NUGGC: variants seen among roughly 807,000 people sequenced by gnomAD.
NUGGC encodes nuclear GTPase, germinal center associated.
Under a neutral mutation model 92.6 loss-of-function variants are expected in NUGGC, and 58 were observed. The observed-to-expected ratio is 0.63, with a 90% confidence interval of 0.51 to 0.78. The LOEUF is 0.78. Among genes scored for constraint, NUGGC ranks in the 30% least tolerant of loss-of-function variants. NUGGC has a pLI of 0.00. For missense variants in NUGGC, 925 were observed against 964.6 expected, an observed-to-expected ratio of 0.96 and a Z score of 0.54; for synonymous variants, 376 against 366.4, an observed-to-expected ratio of 1.03 and a Z score of -0.30.
chr8:28,045,496 G>A (rs1427459445), intron 12 of NUGGC, 31 bp downstream of exon 12: 1 of 1,600,752 alleles, frequency 6.2e-7, no homozygotes, highest in Non-Finnish European at 8.5e-7. Flanking sequence ...CCAGGAAGGG[G>A]GAGAATATGA....
chr8:28,047,755 T>C, intron 10 of NUGGC, 143 bp from the exon 11 acceptor site: 1 of 554,120 alleles, frequency 1.8e-6, no homozygotes, highest in Non-Finnish European at 3.2e-6. Context: ...CAGACAATGT[T>C]CTCAATGTCT....
At chr8:28,059,692 T>C (rs1810243394) in intron 8 of NUGGC, among the ~76,000 whole-genome samples, 1 of 152,154 alleles carries the variant, frequency 6.6e-6, no homozygotes, top group Admixed American at 6.5e-5. Context: ...TAATGATTTT[T>C]AAAAAGCTCA....
chr8:28,034,304 T>C (rs1012376731), intron 13 of NUGGC, among the ~76,000 whole-genome samples: 3 of 152,202 alleles, frequency 2.0e-5, no homozygotes, highest in African/African-American at 4.8e-5. Flanking sequence ...GCTAGACCTA[T>C]GAGAGACATT....
intron 14 of NUGGC, among the ~76,000 whole-genome samples, chr8:28,031,961 T>C (rs1432894384): frequency 5.9e-5 from 9 of 152,196 alleles, no homozygotes; most frequent in Non-Finnish European, 1.0e-4. Context: ...TTTGTTCAGA[T>C]GTAAAAAGAC....
chr8:28,032,583 T>A (rs1243102569), intron 14 of NUGGC, among the ~76,000 whole-genome samples: 3 of 152,004 alleles, frequency 2.0e-5, no homozygotes, highest in Admixed American at 2.0e-4. Context: ...CCAGGCATGG[T>A]GGCAGGTGCC....
intron 10 of NUGGC, among the ~76,000 whole-genome samples, chr8:28,049,065 G>A (rs2130157090): frequency 6.6e-6 from 1 of 152,202 alleles, no homozygotes; most frequent in South Asian, 2.1e-4. Flanking sequence ...ATTTGAGGGA[G>A]GTAGAAAGCA....
chr8:28,055,903 T>G (rs1443888421), intron 10 of NUGGC, 62 bp downstream of exon 10: 3 of 908,560 alleles, frequency 3.3e-6, no homozygotes, highest in Non-Finnish European at 5.2e-6. Context: ...AGGCATACAT[T>G]TGTCTCCCAA....
chr8:28,076,887 A>C (rs1043503577), intron 1 of NUGGC, among the ~76,000 whole-genome samples: 1 of 152,220 alleles, frequency 6.6e-6, no homozygotes, highest in Non-Finnish European at 1.5e-5. Context: ...GGCAGGTACA[A>C]GAAAGCATTT....
intron 18 of NUGGC, among the ~76,000 whole-genome samples, chr8:28,026,141 TC>T (rs1372731886): frequency 1.3e-5 from 2 of 152,220 alleles, no homozygotes; most frequent in African/African-American, 4.8e-5. Context: ...TACACAGTCC[TC>T]CACTCCTTGT....
At chr8:28,037,950 C>T (rs1809597573) in intron 13 of NUGGC, among the ~76,000 whole-genome samples, 1 of 152,192 alleles carries the variant, frequency 6.6e-6, no homozygotes, top group African/African-American at 2.4e-5. Context: ...ATCAATCATG[C>T]TGAGGTTAAC....
rs1030799600 is a variant in NUGGC at position 28,066,458 on chromosome 8, T to A, written c.711+1056A>T. On this transcript the variant is annotated intron_variant, in intron 6 of 18. Transcript: ENST00000413272. Reference sequence around the variant, plus strand: ...AAAAGCCTAAGGAAATGTGATTAATTATGTAAGTATCATTAATATTTAAGG... The same window carrying A: ...AAAAGCCTAAGGAAATGTGATTAATAATGTAAGTATCATTAATATTTAAGG... Among the ~76,000 whole-genome samples, 5 of 152,186 alleles carry A rather than the reference T, an allele frequency of 3.3e-5. No homozygotes were observed. The East Asian group carries it at 9.6e-4, about 29-fold the overall frequency.
At chr8:28,056,160 T>C (rs1428147076) in intron 9 of NUGGC, 106 bp from the exon 10 acceptor site, 3 of 655,232 alleles carry the variant, frequency 4.6e-6, no homozygotes, top group Non-Finnish European at 8.1e-6. Context: ...GTCCAAACAG[T>C]CAAATATGCA....
At chr8:28,037,537 T>A (rs956728546) in intron 13 of NUGGC, among the ~76,000 whole-genome samples, 1 of 152,150 alleles carries the variant, frequency 6.6e-6, no homozygotes, top group Non-Finnish European at 1.5e-5. Flanking sequence ...CCAATATCCA[T>A]CCCTCCTGCT....
chr8:28,041,152 T>G lies in NUGGC; in HGVS notation c.1510A>C (p.Lys504Gln). The G allele has an allele frequency of 6.2e-7, 1 of 1,611,182 alleles. No homozygotes were observed. Among genetic ancestry groups the G allele is most frequent in the East Asian group, 2.2e-5 (1 of 44,772 alleles). Reference sequence around the variant, plus strand: ...CAGGCGAAGCACTGTGCGATGGCCTTCTCCAGCAGCTCAACCTTCTCTTCC... The same window carrying G: ...CAGGCGAAGCACTGTGCGATGGCCTGCTCCAGCAGCTCAACCTTCTCTTCC... ...FAEEKVELLE[K>Q]AIAQCFACME... The change falls in exon 13 of 19, where the codon AAG becomes CAG. Residue 504 changes from lysine (K) to glutamine (Q), a missense_variant. Coordinates refer to ENST00000413272, the MANE Select transcript of NUGGC (RefSeq NM_001010906.2).
At chr8:28,059,345 A>T (rs1253592130) in intron 8 of NUGGC, among the ~76,000 whole-genome samples, 1 of 152,334 alleles carries the variant, frequency 6.6e-6, no homozygotes, top group Middle Eastern at 3.4e-3. Flanking sequence ...AATTGTCCCA[A>T]TATAGAAGGT....
chr8:28,048,296 G>A (rs2130152346), intron 10 of NUGGC, among the ~76,000 whole-genome samples: 1 of 152,260 alleles, frequency 6.6e-6, no homozygotes, highest in South Asian at 2.1e-4. Flanking sequence ...TGCGTGTTAT[G>A]GGCTGAAATG....
chr8:28,070,205 TG>T lies in NUGGC; in HGVS notation c.148+46del, dbSNP rs757478214. 4.0e-6 allele frequency: 6 copies of T among 1,509,186 alleles called. No homozygotes were observed. In the East Asian group the frequency reaches 1.2e-4, roughly 31 times the overall value. 93.5% of individuals were successfully genotyped at this position (1,509,186 alleles called of 1,614,324 possible). ...CTTCCTTTGACCATTTTAACATACTTGGAACAGAACCGAACCATGTTAAAAC... is the reference window on the plus strand; with the variant it reads ...CTTCCTTTGACCATTTTAACATACTTGAACAGAACCGAACCATGTTAAAAC... On this transcript the variant is annotated intron_variant, in intron 3 of 18. Coordinates refer to ENST00000413272, the MANE Select transcript of NUGGC (RefSeq NM_001010906.2).
intron 9 of NUGGC, among the ~76,000 whole-genome samples, chr8:28,056,433 G>A (rs1029007925): frequency 1.8e-4 from 27 of 150,992 alleles, no homozygotes; most frequent in Admixed American, 1.2e-3. Context: ...AGTCGAGATC[G>A]CGCCACTGCA....
chr8:28,059,041 G>A (rs1016849744), intron 8 of NUGGC, among the ~76,000 whole-genome samples: 9 of 152,116 alleles, frequency 5.9e-5, no homozygotes, highest in African/African-American at 2.2e-4. Context: ...TGGAAAGGGA[G>A]GGCTGGAGAT....
Sources: gnomAD v4.1 joint callset for allele counts (sites outside exome capture counted in the v4.1 genomes callset) on GRCh38, gnomAD v4.1.1 for gene constraint, MANE v1.5 for transcripts, NCBI Gene and HGNC (gene_info 2026-07-23, HGNC 2026-07-21) for gene names.